The following NKD2 variants were observed in gnomAD, a reference collection of about 807,000 sequenced individuals.
The protein encoded by NKD2 is protein naked cuticle homolog 2.
In NKD2, 43 loss-of-function variants were observed where a neutral mutation model predicts 34.8. The observed-to-expected ratio is 1.24, with a 90% CI of 0.97 to 1.60. The LOEUF is 1.60. Among genes scored for constraint, NKD2 ranks in the 40% most tolerant of loss-of-function variants. The probability of loss-of-function intolerance (pLI) is 0.00; values close to 1 mark genes in which losing one functional copy is unlikely to be tolerated. For synonymous variants in NKD2, 278 were observed against 265.1 expected, an observed-to-expected ratio of 1.05 and a Z score of -0.47; for missense variants, 675 against 627.1, an observed-to-expected ratio of 1.08 and a Z score of -0.82.
chr5:1,033,544 C>T, intron 5 of NKD2, 45 bp downstream of exon 5: 1 of 1,520,752 alleles, frequency 6.6e-7, no homozygotes, highest in East Asian at 2.5e-5. Context: ...GTCCCTGGGG[C>T]CGGGGGCTCA....
At chr5:1,031,727 TGGGCAGCCATGC>T (rs918327668) in intron 3 of NKD2, among the ~76,000 whole-genome samples, 23 of 152,192 alleles carry the variant, frequency 1.5e-4, no homozygotes, top group African/African-American at 5.5e-4. Flanking sequence ...GTTGGGGTCC[TGGGCAGCCATGC>T]GGGCAGCGGC....
At chr5:1,033,261 G>T (rs1002811131) in intron 4 of NKD2, 111 bp from the exon 5 acceptor site, 5 of 1,094,014 alleles carry the variant, frequency 4.6e-6, no homozygotes, top group South Asian at 3.2e-5. Context: ...GCTCAGGCCC[G>T]TCTGGACAGG....
intron 4 of NKD2, among the ~76,000 whole-genome samples, chr5:1,033,126 C>T (rs1389203206): frequency 6.6e-6 from 1 of 152,342 alleles, no homozygotes. Flanking sequence ...GCTGCACCCC[C>T]AGCTCTGAGG....
Position 1,009,438 on chromosome 5 carries a change from C to T in NKD2, c.62-43C>T, listed in dbSNP as rs1423769933. The stretch of plus-strand genomic sequence containing the variant: ...CGGGGCTCACGGCGCGTCTCTTTCC[C>T]TCCTCGGTGCGGGTTTCCCGCGCGT... On this transcript the variant is annotated intron_variant, in intron 2 of 9. Coordinates refer to ENST00000296849, the MANE Select transcript of NKD2 (RefSeq NM_033120.4). The surrounding 1 kb of genome is among the most constrained non-coding windows in gnomAD (Gnocchi z 6.9). 2.7e-6 allele frequency: 4 copies of T among 1,466,430 alleles called. No homozygotes were observed. The Admixed American group carries it at 8.8e-5, about 32-fold the overall frequency. The allele number at this position is 1,466,430 out of a possible 1,614,324, so 90.8% of individuals were successfully genotyped here.
At chr5:1,017,412 T>C (rs1448731128) in intron 3 of NKD2, among the ~76,000 whole-genome samples, 1 of 152,242 alleles carries the variant, frequency 6.6e-6, no homozygotes, top group African/African-American at 2.4e-5. Context: ...CAGACAGAGC[T>C]GGAGCAGGGG....
At chr5:1,017,792 C>T (rs555833333) in intron 3 of NKD2, among the ~76,000 whole-genome samples, 3 of 151,936 alleles carry the variant, frequency 2.0e-5, no homozygotes, top group Middle Eastern at 3.4e-3. Context: ...CGGGTGAGGC[C>T]GGGCATGGGT....
chr5:1,032,738 C>T (rs190356699), intron 4 of NKD2, among the ~76,000 whole-genome samples: 35 of 152,368 alleles, frequency 2.3e-4, no homozygotes, highest in African/African-American at 7.5e-4. Context: ...GAGGCACCCA[C>T]ACCCCCTCAG....
intron 9 of NKD2, chr5:1,036,652 G>C (rs1403273140): frequency 1.6e-6 from 1 of 608,280 alleles, no homozygotes; most frequent in Non-Finnish European, 3.1e-6. Flanking sequence ...ATGCGGGGGT[G>C]CCTGGTTCAA....
intron 3 of NKD2, among the ~76,000 whole-genome samples, chr5:1,019,214 G>A (rs951075230): frequency 6.6e-6 from 1 of 152,210 alleles, no homozygotes; most frequent in African/African-American, 2.4e-5. Context: ...ACCCCAAGAC[G>A]TGCTGTAAGG....
intron 3 of NKD2, among the ~76,000 whole-genome samples, chr5:1,012,729 G>A (rs1019486108): frequency 7.2e-5 from 11 of 152,230 alleles, no homozygotes; most frequent in African/African-American, 2.7e-4. Flanking sequence ...AGGCTCATAT[G>A]CCTGCAGCTG....
At chr5:1,025,934 G>A (rs1756375041) in intron 3 of NKD2, among the ~76,000 whole-genome samples, 1 of 115,036 alleles carries the variant, frequency 8.7e-6, no homozygotes, top group Non-Finnish European at 1.7e-5. Flanking sequence ...CATTGTCCCT[G>A]CTCTTCCCAC....
Position 1,034,907 on chromosome 5 carries a change from A to T in NKD2, c.574+4A>T. On this transcript the variant is annotated splice_donor_region_variant and intron_variant, in intron 7 of 9. Transcript: ENST00000296849. Reference sequence around the variant, plus strand: ...GAGGGTCCTCCTGCTGGCCAGGGTGAGTGAGGCCTGGGCACACACAGAGGA... The same window carrying T: ...GAGGGTCCTCCTGCTGGCCAGGGTGTGTGAGGCCTGGGCACACACAGAGGA... 5.0e-6 allele frequency: 8 copies of T among 1,605,322 alleles called. No homozygotes were observed. Among genetic ancestry groups the T allele is most frequent in the Non-Finnish European group, 6.0e-6 (7 of 1,176,008 alleles).
At position 1,013,078 on chromosome 5, in the gene NKD2, C is replaced by G. The variant is rs80229536; in HGVS notation, c.141+3518C>G. ...GCTTGGTGCTCGGCCACGTGCCACA[C>G]AGAAGGAGAGGTTGTGGGTGCCCAG... is the stretch of plus-strand genomic sequence containing the variant. On this transcript the variant is annotated intron_variant, in intron 3 of 9. Coordinates refer to ENST00000296849, the MANE Select transcript of NKD2 (RefSeq NM_033120.4). Among the ~76,000 whole-genome samples the G allele has an allele frequency of 8.2e-4, 125 of 152,328 alleles. No homozygotes were observed. In the East Asian group the frequency reaches 0.023, roughly 28 times the overall value.
At chr5:1,033,524 G>A (rs1756731190) in intron 5 of NKD2, 25 bp downstream of exon 5, 1 of 1,534,322 alleles carries the variant, frequency 6.5e-7, no homozygotes. Context: ...GGCCTCACTT[G>A]CGGGAACACG....
intron 3 of NKD2, among the ~76,000 whole-genome samples, chr5:1,021,300 G>C (rs931394672): frequency 6.7e-6 from 1 of 149,470 alleles, no homozygotes; most frequent in Non-Finnish European, 1.5e-5. Context: ...CGGCTCCCCT[G>C]CCCGGTCCCC....
At chr5:1,035,240 GAGTGAACAAGTGAGTGAGTT>G (rs1377298670) in intron 7 of NKD2, 129 bp from the exon 8 acceptor site, 1 of 692,864 alleles carries the variant, frequency 1.4e-6, no homozygotes, top group East Asian at 2.7e-5. Context: ...GTTAATGAAT[GAGTGAACAAGTGAGTGAGTT>G]AATGAATGAG....
Position 1,012,139 on chromosome 5 carries a change from C to T in NKD2, c.141+2579C>T, listed in dbSNP as rs931177250. Among the ~76,000 whole-genome samples, 4 of 152,378 alleles carry T rather than the reference C, an allele frequency of 2.6e-5. No individual in the cohort carries two copies. The East Asian group carries it at 5.8e-4, about 22-fold the overall frequency. On this transcript the variant is annotated intron_variant, in intron 3 of 9. Transcript: ENST00000296849. Reference sequence around the variant, plus strand: ...ACACTCACCCTCACCATCTGGTCTGCGAGACTAGCTTTAATTTCTACAGCG... The same window carrying T: ...ACACTCACCCTCACCATCTGGTCTGTGAGACTAGCTTTAATTTCTACAGCG...
chr5:1,014,961 G>A (rs951553999), intron 3 of NKD2, among the ~76,000 whole-genome samples: 8 of 152,190 alleles, frequency 5.3e-5, no homozygotes, highest in Admixed American at 1.3e-4. Context: ...CTTCGGACCC[G>A]GTGCTGCCAC....
intron 6 of NKD2, among the ~76,000 whole-genome samples, 162 bp from the exon 7 acceptor site, chr5:1,034,594 C>T (rs1411247449): frequency 6.6e-6 from 1 of 152,196 alleles, no homozygotes; most frequent in African/African-American, 2.4e-5. Context: ...CCTGGGCAGA[C>T]CCAGGCTGCT....
Sources: gnomAD v4.1 joint callset for allele counts (sites outside exome capture counted in the v4.1 genomes callset) on GRCh38, gnomAD v4.1.1 for gene constraint, Gnocchi (gnomAD v3.1) non-coding constraint, MANE v1.5 for transcripts, NCBI Gene and HGNC (gene_info 2026-07-23, HGNC 2026-07-21) for gene names.